Variants in LMBR1 observed in about 807,000 individuals in gnomAD.
The protein encoded by LMBR1 is limb development membrane protein 1.
In LMBR1, 52 loss-of-function variants were observed where a neutral mutation model predicts 73.9. The observed-to-expected ratio is 0.70, with a 90% CI of 0.56 to 0.89. LMBR1 has a LOEUF of 0.89. Ranked by LOEUF, LMBR1 falls within the 40% of genes least tolerant of loss-of-function variation. The pLI is 0.00. For synonymous variants in LMBR1, 215 were observed against 209.4 expected (o/e 1.03, Z -0.23); for missense variants, 539 against 579.8 (o/e 0.93, Z 0.72).
chr7:156,697,420 C>T (rs1184782948), intron 15 of LMBR1, among the ~76,000 whole-genome samples: 3 of 151,952 alleles, frequency 2.0e-5, no homozygotes, highest in Admixed American at 6.6e-5. Context: ...TTTACCAGGG[C>T]GGAGTTTTTC....
intron 4 of LMBR1, among the ~76,000 whole-genome samples, chr7:156,810,374 C>T (rs1217070499): frequency 6.6e-6 from 1 of 152,154 alleles, no homozygotes; most frequent in Admixed American, 6.5e-5. Flanking sequence ...CTAGATCCAC[C>T]TCCAACACTA....
At chr7:156,855,545 G>C (rs1231924422) in intron 1 of LMBR1, among the ~76,000 whole-genome samples, 1 of 149,676 alleles carries the variant, frequency 6.7e-6, no homozygotes, top group Non-Finnish European at 1.5e-5. Flanking sequence ...AGGAATACCA[G>C]AAAAAAAGAC....
intron 4 of LMBR1, among the ~76,000 whole-genome samples, chr7:156,806,212 T>G (rs1563409099): frequency 2.0e-5 from 3 of 152,218 alleles, no homozygotes. Flanking sequence ...CACGCATCCC[T>G]AAGTATTTCG....
In LMBR1 at chr7:156,712,815, T is replaced by G. The variant is rs557768704; in HGVS notation, c.1225+11297A>C. Among the ~76,000 whole-genome samples, 47 of 152,236 alleles carry G rather than the reference T, an allele frequency of 3.1e-4. No homozygotes were observed. In the South Asian group the frequency reaches 9.1e-3, roughly 29 times the overall value. On this transcript the variant is annotated intron_variant, in intron 15 of 16. Transcript: ENST00000353442. ...ATGGGAGCCAAATAATGCATTCACA[T>G]GGATGTAGGGTGCAGAATGATAGAA...
At chr7:156,869,044 C>G (rs1798888362) in intron 1 of LMBR1, among the ~76,000 whole-genome samples, 1 of 152,106 alleles carries the variant, frequency 6.6e-6, no homozygotes, top group African/African-American at 2.4e-5. Flanking sequence ...TAGATATTAA[C>G]AGTGTAAAAT....
chr7:156,874,981 G>A (rs1349411694), intron 1 of LMBR1, among the ~76,000 whole-genome samples: 2 of 152,176 alleles, frequency 1.3e-5, no homozygotes, highest in Non-Finnish European at 2.9e-5. Context: ...TAATTCAGAA[G>A]ATCAGTTATT....
rs537265908 is a variant in LMBR1, at chr7:156,689,833, T to C, written c.1226-1642A>G. Among the ~76,000 whole-genome samples, 10 of 152,330 alleles carry C rather than the reference T, an allele frequency of 6.6e-5. No homozygotes were observed. In the South Asian group the frequency reaches 1.9e-3, roughly 28 times the overall value. The stretch of plus-strand genomic sequence containing the variant: ...ACTTTACTTTGTTAAAAGGAATACA[T>C]ATCTAATTATAAGTTTTATTTTTCA... On this transcript the variant is annotated intron_variant, in intron 15 of 16. Transcript: ENST00000353442.
At chr7:156,837,632 T>A (rs950251565) in intron 1 of LMBR1, among the ~76,000 whole-genome samples, 34 of 152,224 alleles carry the variant, frequency 2.2e-4, no homozygotes, top group African/African-American at 7.5e-4. Flanking sequence ...ACATTAAACA[T>A]TTTCCACTAT....
Position 156,756,474 on chromosome 7 carries a change from A to C in LMBR1, c.685-9T>G. The C allele has an allele frequency of 7.6e-7, 1 of 1,310,954 alleles. No homozygotes were observed. The highest frequency in any genetic ancestry group is 1.1e-6 in the Non-Finnish European group (1 of 921,696). 81.2% of individuals were successfully genotyped at this position (1,310,954 alleles called of 1,614,324 possible). On this transcript the variant is annotated splice_polypyrimidine_tract_variant and intron_variant, in intron 8 of 16. Transcript: ENST00000353442. Reference sequence around the variant, plus strand: ...TCCAGGTCTTCAAGAATCTAAATTTAAAGATAAAACTATTCAATAATTCAA... The same window carrying C: ...TCCAGGTCTTCAAGAATCTAAATTTCAAGATAAAACTATTCAATAATTCAA...
chr7:156,824,394 A>T (rs1314056576), intron 4 of LMBR1, among the ~76,000 whole-genome samples: 2 of 152,202 alleles, frequency 1.3e-5, no homozygotes, highest in South Asian at 2.1e-4. Context: ...ACAAATAAGT[A>T]TATTTATCTT....
chr7:156,725,715 T>C (rs776011971), intron 13 of LMBR1, 49 bp downstream of exon 13: 4 of 1,532,438 alleles, frequency 2.6e-6, no homozygotes, highest in Admixed American at 3.6e-5. Context: ...CCAGAAAACT[T>C]GGTATAAAAT....
At chr7:156,719,899 C>G (rs1208951313) in intron 15 of LMBR1, among the ~76,000 whole-genome samples, 2 of 151,622 alleles carry the variant, frequency 1.3e-5, no homozygotes, top group African/African-American at 4.8e-5. Flanking sequence ...ACTGGCTAGC[C>G]ATATGTAGAA....
chr7:156,693,706 GAC>G (rs1428185238), intron 15 of LMBR1, among the ~76,000 whole-genome samples: 3 of 152,120 alleles, frequency 2.0e-5, no homozygotes, highest in Non-Finnish European at 4.4e-5. Context: ...AATTCAACCA[GAC>G]AATTCAAAGA....
chr7:156,825,822 C>G (rs1835585524), intron 4 of LMBR1, among the ~76,000 whole-genome samples: 1 of 152,184 alleles, frequency 6.6e-6, no homozygotes, highest in Non-Finnish European at 1.5e-5. Flanking sequence ...ACTAAGACAA[C>G]AGGAAGCCGC....
intron 9 of LMBR1, among the ~76,000 whole-genome samples, chr7:156,734,759 A>G (rs1378445073): frequency 6.6e-6 from 1 of 152,250 alleles, no homozygotes; most frequent in Non-Finnish European, 1.5e-5. Flanking sequence ...GGCTTACTAT[A>G]GAAAGTGAAA....
intron 7 of LMBR1, 39 bp downstream of exon 7, chr7:156,763,069 T>G (rs753848453): frequency 9.7e-7 from 1 of 1,034,192 alleles, no homozygotes; most frequent in South Asian, 1.5e-5. Context: ...TAAGGACAAC[T>G]CTACTTTTCT....
At chr7:156,850,608 T>C (rs1194509970) in intron 1 of LMBR1, among the ~76,000 whole-genome samples, 2 of 152,220 alleles carry the variant, frequency 1.3e-5, no homozygotes, top group Non-Finnish European at 2.9e-5. Context: ...TGCTGTAGCA[T>C]GTAACAATAG....
intron 1 of LMBR1, among the ~76,000 whole-genome samples, chr7:156,876,266 T>G (rs1410699882): frequency 6.6e-6 from 1 of 152,074 alleles, no homozygotes; most frequent in Non-Finnish European, 1.5e-5. Flanking sequence ...AAAAGGAAAG[T>G]ATCACAATCA....
rs1330094439 is a variant in LMBR1 at position 156,791,194 on chromosome 7, C to G, written c.423+5195G>C. ...CAAGTTAAATTTCCTTGCAGGGTTC[C>G]CAGCAGGGGCTTCCCTTTTGTCTGT... On this transcript the variant is annotated intron_variant, in intron 5 of 16. Coordinates refer to ENST00000353442, the MANE Select transcript of LMBR1 (RefSeq NM_022458.4). Among the ~76,000 whole-genome samples the G allele has an allele frequency of 2.0e-5, 3 of 152,106 alleles. No homozygotes were observed. The highest frequency in any genetic ancestry group is 2.1e-4 in the South Asian group (1 of 4,834).
Sources: gnomAD v4.1 joint callset for allele counts (sites outside exome capture counted in the v4.1 genomes callset) on GRCh38, gnomAD v4.1.1 for gene constraint, MANE v1.5 for transcripts, NCBI Gene and HGNC (gene_info 2026-07-23, HGNC 2026-07-21) for gene names.